Variants in CRPPA observed in about 807,000 individuals in gnomAD.
CRPPA encodes the protein CDP-L-ribitol pyrophosphorylase A, also known as D-ribitol-5-phosphate cytidylyltransferase.
In CRPPA, 43 loss-of-function variants were observed where a neutral mutation model predicts 52.0. The observed-to-expected ratio is 0.83, with a 90% CI of 0.65 to 1.07. The LOEUF (loss-of-function observed/expected upper bound fraction) is 1.07, where lower values mean the gene tolerates loss of function less well. Ranked by LOEUF, CRPPA falls within the 50% of genes least tolerant of loss-of-function variation. The pLI, the probability that CRPPA is intolerant of heterozygous loss-of-function variation, is 0.00. For missense variants in CRPPA, 629 were observed against 551.7 expected, an observed-to-expected ratio of 1.14 and a Z score of -1.40; for synonymous variants, 250 against 203.5, an observed-to-expected ratio of 1.23 and a Z score of -1.94.
chr7:16,399,297 TCAACACGTGTGACACGTGAC>T (rs371681041), intron 2 of CRPPA, among the ~76,000 whole-genome samples: 291 of 152,114 alleles, frequency 1.9e-3, no homozygotes, highest in African/African-American at 6.3e-3. Flanking sequence ...TGACGTGTGA[TCAACACGTGTGACACGTGAC>T]CAACACGTGA....
chr7:16,337,984 A>T (rs1409943259), intron 3 of CRPPA, among the ~76,000 whole-genome samples: 1 of 152,132 alleles, frequency 6.6e-6, no homozygotes, highest in African/African-American at 2.4e-5. Flanking sequence ...GGATATTTTC[A>T]AACTCATTTT....
intron 2 of CRPPA, among the ~76,000 whole-genome samples, chr7:16,389,222 A>C (rs1583569925): frequency 6.6e-6 from 1 of 152,336 alleles, no homozygotes; most frequent in African/African-American, 2.4e-5. Context: ...TGTCCAAAAA[A>C]TAGAGAATGC....
At chr7:16,380,203 T>C (rs1275945253) in intron 2 of CRPPA, among the ~76,000 whole-genome samples, 1 of 151,344 alleles carries the variant, frequency 6.6e-6, no homozygotes, top group African/African-American at 2.4e-5. Context: ...GCATGAAGAG[T>C]TGCTGAATTT....
At chr7:16,394,268 TA>T (rs549671365) in intron 2 of CRPPA, among the ~76,000 whole-genome samples, 152 of 152,276 alleles carry the variant, frequency 1.0e-3, no homozygotes, top group African/African-American at 3.5e-3. Context: ...TGAATTACGG[TA>T]TATACAGTAG....
chr7:16,364,496 C>T (rs10259276), intron 3 of CRPPA, among the ~76,000 whole-genome samples: 43,911 of 151,990 alleles, frequency 0.29, 6,543 homozygotes, highest in Admixed American at 0.34. Flanking sequence ...CACAGCAGTG[C>T]GTTGCATGCT....
intron 9 of CRPPA, among the ~76,000 whole-genome samples, chr7:16,213,851 G>A (rs1782223453): frequency 6.6e-6 from 1 of 151,998 alleles, no homozygotes; most frequent in South Asian, 2.1e-4. Flanking sequence ...ATTATCCATA[G>A]TCATGTCTAT....
At chr7:16,268,400 G>C (rs577036469) in intron 6 of CRPPA, among the ~76,000 whole-genome samples, 4,816 of 152,074 alleles carry the variant, frequency 0.032, 252 homozygotes, top group African/African-American at 0.11. Flanking sequence ...CCCAATATTT[G>C]TTCAACCTGA....
intron 2 of CRPPA, among the ~76,000 whole-genome samples, chr7:16,397,979 C>A (rs535915703): frequency 6.6e-6 from 1 of 152,312 alleles, no homozygotes; most frequent in South Asian, 2.1e-4. Context: ...ATGCCATTGA[C>A]CTTACCACCT....
chr7:16,249,072 C>T (rs921159794), intron 8 of CRPPA, among the ~76,000 whole-genome samples: 3 of 152,042 alleles, frequency 2.0e-5, no homozygotes, highest in Non-Finnish European at 4.4e-5. Flanking sequence ...CTTAAGTAGG[C>T]GGTTTTATGC....
chr7:16,218,316 G>A (rs956403716), intron 8 of CRPPA, among the ~76,000 whole-genome samples: 5 of 125,478 alleles, frequency 4.0e-5, no homozygotes, highest in Admixed American at 8.8e-5. Flanking sequence ...AGGAACAACC[G>A]GTACCAGCCG....
intron 9 of CRPPA, among the ~76,000 whole-genome samples, chr7:16,205,942 A>C (rs1342520937): frequency 1.3e-5 from 2 of 152,180 alleles, no homozygotes; most frequent in Non-Finnish European, 2.9e-5. Context: ...AGTAATATTT[A>C]ATAAAACATA....
At chr7:16,267,485 A>G (rs1009700067) in intron 6 of CRPPA, among the ~76,000 whole-genome samples, 1 of 152,212 alleles carries the variant, frequency 6.6e-6, no homozygotes, top group Non-Finnish European at 1.5e-5. Flanking sequence ...ATTTGAATCC[A>G]CATTAATCTA....
intron 3 of CRPPA, among the ~76,000 whole-genome samples, chr7:16,348,644 G>A (rs1006801885): frequency 7.9e-5 from 12 of 151,982 alleles, no homozygotes; most frequent in African/African-American, 2.9e-4. Context: ...ATTTTCTCTG[G>A]AAGGTGGTTG....
rs557141355 is a variant in CRPPA at position 16,208,328 on chromosome 7, G to T, written c.1251+7738C>A. ...GCCAGTTTAATATGTCTTAAGTAAA[G>T]CTCCAATCTCCTCTATTTACATACT... On this transcript the variant is annotated intron_variant, in intron 9 of 9. Transcript: ENST00000407010. Among the ~76,000 whole-genome samples the T allele has an allele frequency of 2.2e-3, 329 of 152,188 alleles. 2 individuals are homozygous for T. The highest frequency in any genetic ancestry group is 7.6e-3 in the African/African-American group (315 of 41,544).
intron 2 of CRPPA, among the ~76,000 whole-genome samples, chr7:16,392,630 C>T (rs1787474595): frequency 1.3e-5 from 2 of 152,088 alleles, no homozygotes; most frequent in Admixed American, 6.5e-5. Flanking sequence ...ACTGTGAACT[C>T]GTTTCCCTCA....
At chr7:16,204,666 T>C (rs1450571349) in intron 9 of CRPPA, among the ~76,000 whole-genome samples, 2 of 152,132 alleles carry the variant, frequency 1.3e-5, no homozygotes, top group African/African-American at 4.8e-5. Flanking sequence ...TCAGCAATCA[T>C]TTAGCCACCA....
rs534209397 is a variant in CRPPA at position 16,294,197 on chromosome 7, T to C, written c.835+7224A>G. 3.3e-5 allele frequency among the ~76,000 whole-genome samples: 5 copies of C among 152,126 alleles called. No individual in the cohort carries two copies. The East Asian group carries it at 9.7e-4, about 29-fold the overall frequency. On this transcript the variant is annotated intron_variant, in intron 5 of 9. Coordinates refer to ENST00000407010, the MANE Select transcript of CRPPA (RefSeq NM_001101426.4). ...ATGAGGATATTTACCAAATGTACTA[T>C]TTGCTTTGAGCATAAATATCATCAT...
At chr7:16,419,946 G>C (rs1181741887) in intron 1 of CRPPA, among the ~76,000 whole-genome samples, 1 of 152,200 alleles carries the variant, frequency 6.6e-6, no homozygotes, top group African/African-American at 2.4e-5. Context: ...GACTCTGCGT[G>C]AATTACTCTT....
Position 16,258,936 on chromosome 7 carries a change from T to C in CRPPA, c.1010A>G (p.Asn337Ser), listed in dbSNP as rs369832637. Residue 337 changes from asparagine (N) to serine (S), a missense_variant, in exon 7 of 10, where the codon AAT becomes AGT. Physicochemically the swap from Asn to Ser is conservative, Grantham distance 46 (BLOSUM62 1). Coordinates refer to ENST00000407010, the MANE Select transcript of CRPPA (RefSeq NM_001101426.4). ...LQQIILDQCY[N>S]FVCVNVTTSD... ...TTGACTTACATTCACACAAACAAAA[T>C]TGTAGCATTGATCTAAGATGATTTG... 51 of 1,609,242 alleles carry C rather than the reference T, an allele frequency of 3.2e-5. No individual in the cohort carries two copies. The East Asian group carries it at 3.8e-4, about 12-fold the overall frequency.
Sources: allele counts gnomAD v4.1 joint callset (sites outside exome capture counted in the v4.1 genomes callset), GRCh38; gene constraint gnomAD v4.1.1; transcripts MANE v1.5; gene names NCBI Gene and HGNC (gene_info 2026-07-23, HGNC 2026-07-21).